Variants in GLIS3 observed in about 807,000 individuals in gnomAD.
The protein encoded by GLIS3 is GLIS family zinc finger 3, also known as zinc finger protein GLIS3.
Under a neutral mutation model 78.6 loss-of-function variants are expected in GLIS3, and 53 were observed. That is an observed-to-expected ratio of 0.67 (90% CI 0.54 to 0.85). The LOEUF (loss-of-function observed/expected upper bound fraction) is 0.85. Ranked by LOEUF, GLIS3 falls within the 40% of genes least tolerant of loss-of-function variation. The pLI, the probability that GLIS3 is intolerant of heterozygous loss-of-function variation, is 0.00. For missense variants in GLIS3, 1,703 were observed against 1,231.1 expected, an observed-to-expected ratio of 1.38 and a Z score of -5.74; for synonymous variants, 684 against 509.9, an observed-to-expected ratio of 1.34 and a Z score of -4.60.
chr9:4,117,211 C>A (rs907819567), intron 4 of GLIS3, among the ~76,000 whole-genome samples: 3 of 152,124 alleles, frequency 2.0e-5, no homozygotes, highest in Admixed American at 6.5e-5. Context: ...TGATTTTATG[C>A]CGACTATAAA....
intron 4 of GLIS3, chr9:4,081,357 G>A (rs1426854859): frequency 6.6e-6 from 1 of 152,218 alleles, no homozygotes; most frequent in East Asian, 1.9e-4. Context: ...TGCCAGCTGT[G>A]TAGTAAATTA....
At chr9:4,179,459 G>T (rs1385032328) in intron 2 of GLIS3, among the ~76,000 whole-genome samples, 1 of 151,992 alleles carries the variant, frequency 6.6e-6, no homozygotes. Context: ...GATAGTCCTG[G>T]GGTATTATTA....
intron 4 of GLIS3, among the ~76,000 whole-genome samples, chr9:3,939,711 G>A (rs114609898): frequency 0.014 from 2,075 of 152,150 alleles, 45 homozygotes; most frequent in African/African-American, 0.047. Flanking sequence ...CAGTATTCTC[G>A]GGGAAAAGAT....
At chr9:4,467,432 C>G in the GLIS3 span, among the ~76,000 whole-genome samples, 1 of 152,168 alleles carries the variant, frequency 6.6e-6, no homozygotes, top group African/African-American at 2.4e-5. Flanking sequence ...GGAGATGAAG[C>G]TTCTAGAGGA....
At position 3,896,670 on chromosome 9, in the gene GLIS3, T is replaced by TAAAAAAAA. The variant is rs60086001; in HGVS notation, c.2128+2013_2128+2020dup. Among the ~76,000 whole-genome samples, 63 of 50,016 alleles carry TAAAAAAAA rather than the reference T, an allele frequency of 1.3e-3. 5 individuals are homozygous for TAAAAAAAA. In the East Asian group the frequency reaches 0.014, roughly 11 times the overall value. 32.8% of individuals were successfully genotyped at this position (50,016 alleles called of 152,430 possible). ...GACAGAGTGAGACTCCCATCTCAAT[T>TAAAAAAAA]AAAAAAAAAAAGAAGTAGAGAGGGT... On this transcript the variant is annotated intron_variant, in intron 7 of 10. Coordinates refer to ENST00000381971, the MANE Select transcript of GLIS3 (RefSeq NM_001042413.2).
chr9:4,381,800 T>C, the GLIS3 span, among the ~76,000 whole-genome samples: 1 of 152,364 alleles, frequency 6.6e-6, no homozygotes, highest in African/African-American at 2.4e-5. Flanking sequence ...CTGTTATGTC[T>C]GGCAAGAGGA....
At chr9:3,955,256 T>C (rs1392813517) in intron 4 of GLIS3, among the ~76,000 whole-genome samples, 1 of 152,222 alleles carries the variant, frequency 6.6e-6, no homozygotes, top group East Asian at 1.9e-4. Context: ...ACACGTGGTG[T>C]TCTGCCTATC....
At chr9:4,436,777 C>T in the GLIS3 span, among the ~76,000 whole-genome samples, 2 of 127,398 alleles carry the variant, frequency 1.6e-5, no homozygotes, top group Admixed American at 9.6e-5. Context: ...TTGGCCATTG[C>T]ACTCCAGCCT....
chr9:4,225,557 G>C lies in GLIS3; in HGVS notation c.388+60481C>G, dbSNP rs187350618. Among the ~76,000 whole-genome samples the C allele has an allele frequency of 1.9e-4, 29 of 152,266 alleles. 1 individual carries two copies. Among genetic ancestry groups the C allele is most frequent in the Admixed American group, 1.7e-3 (26 of 15,292 alleles). On this transcript the variant is annotated intron_variant, in intron 2 of 10. Coordinates refer to ENST00000381971, the MANE Select transcript of GLIS3 (RefSeq NM_001042413.2). ...CACACAGAGTAAAACTGCCTCTTGA[G>C]TCACTATAACTAGTAAAACCATTTA... is the stretch of plus-strand genomic sequence containing the variant.
At chr9:3,879,337 T>C in intron 8 of GLIS3, 90 bp downstream of exon 8, 1 of 1,269,250 alleles carries the variant, frequency 7.9e-7, no homozygotes, top group Non-Finnish European at 1.2e-6. Flanking sequence ...CAACGGATTA[T>C]TAATAAAATT....
the GLIS3 span, among the ~76,000 whole-genome samples, chr9:4,364,767 TTTTTTTTTTTTTA>T: frequency 7.5e-6 from 1 of 133,204 alleles, no homozygotes; most frequent in African/African-American, 2.9e-5. Context: ...TTTTTTTTTT[TTTTTTTTTTTTTA>T]AAGAGACAGG....
In GLIS3 at chr9:4,145,493, C is replaced by G. The variant is rs144506112; in HGVS notation, c.389-19552G>C. 4.3e-3 allele frequency among the ~76,000 whole-genome samples: 652 copies of G among 152,170 alleles called. 4 individuals are homozygous for G. Among genetic ancestry groups the G allele is most frequent in the Non-Finnish European group, 6.3e-3 (427 of 68,002 alleles). On this transcript the variant is annotated intron_variant, in intron 2 of 10. Coordinates refer to ENST00000381971, the MANE Select transcript of GLIS3 (RefSeq NM_001042413.2). ...TTGATTGGAACAACATGATCTAAAA[C>G]CAAAAATGACCAAAGCCCACAGGAT...
chr9:4,452,264 A>G, the GLIS3 span, among the ~76,000 whole-genome samples: 1 of 152,184 alleles, frequency 6.6e-6, no homozygotes, highest in South Asian at 2.1e-4. Context: ...AACTGGCACA[A>G]GACAAGGATG....
At chr9:4,448,832 GA>G in the GLIS3 span, among the ~76,000 whole-genome samples, 3 of 152,132 alleles carry the variant, frequency 2.0e-5, no homozygotes, top group East Asian at 3.8e-4. Flanking sequence ...CTTAAAAAAA[GA>G]AAAAAACTGA....
intron 2 of GLIS3, among the ~76,000 whole-genome samples, chr9:4,313,001 C>G (rs1249944768): frequency 6.6e-6 from 1 of 152,222 alleles, no homozygotes; most frequent in Non-Finnish European, 1.5e-5. Flanking sequence ...ATGACAGTAG[C>G]TCCTCTACTT....
chr9:4,452,809 C>A, the GLIS3 span, among the ~76,000 whole-genome samples: 1,354 of 152,058 alleles, frequency 8.9e-3, 20 homozygotes, highest in African/African-American at 0.031. Context: ...TTAGAAAAAA[C>A]TGCTTTAAAT....
At chr9:4,092,006 G>A (rs888880037) in intron 4 of GLIS3, among the ~76,000 whole-genome samples, 1 of 152,148 alleles carries the variant, frequency 6.6e-6, no homozygotes, top group Non-Finnish European at 1.5e-5. Context: ...TGTTCTGGGT[G>A]AGTGAGTGCT....
At chr9:3,995,198 T>A (rs1195645003) in intron 4 of GLIS3, among the ~76,000 whole-genome samples, 1 of 151,832 alleles carries the variant, frequency 6.6e-6, no homozygotes, top group Non-Finnish European at 1.5e-5. Flanking sequence ...GAAAAATGAG[T>A]CTCTTAAGGA....
At chr9:4,089,343 A>G (rs368662890) in intron 4 of GLIS3, among the ~76,000 whole-genome samples, 16 of 148,984 alleles carry the variant, frequency 1.1e-4, no homozygotes, top group East Asian at 3.9e-4. Flanking sequence ...AAGAGTGGAT[A>G]ACATTTTTTT....
Sources: gnomAD v4.1 joint callset for allele counts (sites outside exome capture counted in the v4.1 genomes callset) on GRCh38, gnomAD v4.1.1 for gene constraint, MANE v1.5 for transcripts, NCBI Gene and HGNC (gene_info 2026-07-23, HGNC 2026-07-21) for gene names.